CFAP54: variants seen among roughly 807,000 people sequenced by gnomAD.
CFAP54 encodes cilia and flagella associated protein 54.
In CFAP54, 290 loss-of-function variants were observed where a neutral mutation model predicts 370.4. That is an observed-to-expected ratio of 0.78 (90% CI 0.71 to 0.86). CFAP54 has a LOEUF of 0.86. CFAP54 is among the 40% of genes least tolerant of loss of function. The pLI, the probability that CFAP54 is intolerant of heterozygous loss-of-function variation, is 0.00. For missense variants in CFAP54, 3,399 were observed against 3,528.7 expected (o/e 0.96, Z 0.93); for synonymous variants, 1,206 against 1,236.5 (o/e 0.98, Z 0.52).
chr12:96,535,264 G>A (rs981405464), intron 11 of CFAP54, among the ~76,000 whole-genome samples: 2 of 151,990 alleles, frequency 1.3e-5, no homozygotes, highest in Non-Finnish European at 2.9e-5. Flanking sequence ...TAGCCAGGCT[G>A]GTCTCAAACT....
intron 26 of CFAP54, among the ~76,000 whole-genome samples, chr12:96,616,591 C>T (rs992249769): frequency 1.3e-5 from 2 of 152,010 alleles, no homozygotes; most frequent in African/African-American, 4.8e-5. Flanking sequence ...GTAAGGAGAG[C>T]TCAAAGGCAA....
At chr12:96,710,892 A>G (rs1406336456) in intron 48 of CFAP54, among the ~76,000 whole-genome samples, 1 of 152,078 alleles carries the variant, frequency 6.6e-6, no homozygotes, top group Non-Finnish European at 1.5e-5. Flanking sequence ...AGACATACAG[A>G]AAATGTAAAG....
intron 1 of CFAP54, among the ~76,000 whole-genome samples, chr12:96,498,710 C>T (rs938249343): frequency 6.6e-6 from 1 of 151,958 alleles, no homozygotes; most frequent in African/African-American, 2.4e-5. Flanking sequence ...TCTAGGTGAC[C>T]TTGGGTTTGG....
chr12:96,832,053 G>A (rs1959172638), intron 66 of CFAP54, among the ~76,000 whole-genome samples: 1 of 152,078 alleles, frequency 6.6e-6, no homozygotes, highest in Non-Finnish European at 1.5e-5. Flanking sequence ...GGAGGTAATT[G>A]AATCATAGGG....
At chr12:96,766,524 C>T (rs570307976) in intron 60 of CFAP54, among the ~76,000 whole-genome samples, 1 of 152,260 alleles carries the variant, frequency 6.6e-6, no homozygotes, top group South Asian at 2.1e-4. Flanking sequence ...GCCAGGAAAG[C>T]ATCTCTCTTA....
At chr12:96,649,233 CT>C (rs1306332898) in intron 34 of CFAP54, among the ~76,000 whole-genome samples, 3 of 152,128 alleles carry the variant, frequency 2.0e-5, no homozygotes, top group African/African-American at 7.2e-5. Context: ...GCATATCATA[CT>C]GTGTATAGTG....
intron 63 of CFAP54, among the ~76,000 whole-genome samples, chr12:96,799,598 A>T (rs1471425342): frequency 6.6e-6 from 1 of 152,200 alleles, no homozygotes; most frequent in Non-Finnish European, 1.5e-5. Context: ...TTGGTCAATT[A>T]TAATTCTCTT....
At position 96,741,017 on chromosome 12, in the gene CFAP54, T is replaced by C. The variant is rs532968964; in HGVS notation, c.7071+956T>C. Among the ~76,000 whole-genome samples the C allele has an allele frequency of 9.8e-5, 15 of 152,332 alleles. 1 individual carries two copies. The South Asian group carries it at 2.1e-3, about 21-fold the overall frequency. On this transcript the variant is annotated intron_variant, in intron 51 of 67. Coordinates refer to ENST00000524981, the MANE Select transcript of CFAP54 (RefSeq NM_001306084.2). ...TTAATGTGACCTATCTTTTCATTAG[T>C]GACAGGAAATCTGAGCATTGAGTGA...
chr12:96,706,524 A>G (rs1592717893), intron 47 of CFAP54, among the ~76,000 whole-genome samples: 1 of 152,110 alleles, frequency 6.6e-6, no homozygotes, highest in Non-Finnish European at 1.5e-5. Flanking sequence ...GAATGATGGG[A>G]GCAGTAGGAG....
chr12:96,774,593 G>A (rs931629820), intron 60 of CFAP54, among the ~76,000 whole-genome samples: 3 of 151,882 alleles, frequency 2.0e-5, no homozygotes, highest in African/African-American at 7.3e-5. Context: ...ACTCTCTCTT[G>A]TGGCTTTTTT....
chr12:96,854,976 A>T (rs1040582656), intron 66 of CFAP54, among the ~76,000 whole-genome samples: 2 of 152,308 alleles, frequency 1.3e-5, no homozygotes, highest in African/African-American at 4.8e-5. Flanking sequence ...AAAGAGGTTT[A>T]ATTGAATCAC....
At chr12:96,741,988 C>T (rs997874353) in intron 51 of CFAP54, among the ~76,000 whole-genome samples, 1 of 152,110 alleles carries the variant, frequency 6.6e-6, no homozygotes, top group Admixed American at 6.6e-5. Context: ...ACCTCTTTGG[C>T]TGTTAGGAGG....
At chr12:96,650,737 A>G (rs989616901) in intron 35 of CFAP54, among the ~76,000 whole-genome samples, 16 of 152,196 alleles carry the variant, frequency 1.1e-4, no homozygotes, top group African/African-American at 3.1e-4. Context: ...AAAGGAAGAC[A>G]GGTTCTCATA....
chr12:96,550,282 A>G (rs1412493224), intron 15 of CFAP54, among the ~76,000 whole-genome samples: 1 of 152,168 alleles, frequency 6.6e-6, no homozygotes, highest in East Asian at 1.9e-4. Context: ...TTTTGATGTT[A>G]AAAAGATACC....
intron 3 of CFAP54, 53 bp downstream of exon 3, chr12:96,504,082 G>A: frequency 2.1e-6 from 3 of 1,413,350 alleles, no homozygotes; most frequent in Non-Finnish European, 2.8e-6. Flanking sequence ...GCTATACAAT[G>A]TATCTTTTAG....
chr12:96,617,525 A>G (rs1021196369), intron 26 of CFAP54, among the ~76,000 whole-genome samples: 2 of 152,204 alleles, frequency 1.3e-5, no homozygotes, highest in African/African-American at 4.8e-5. Context: ...AACCTCAAGA[A>G]CATTCCTGCT....
At chr12:96,725,134 A>G (rs1235954984) in intron 50 of CFAP54, among the ~76,000 whole-genome samples, 2 of 151,882 alleles carry the variant, frequency 1.3e-5, no homozygotes, top group African/African-American at 2.4e-5. Context: ...TGTTCTTTTG[A>G]CTTAGGATTG....
In CFAP54 at chr12:96,584,819, C is replaced by A. The variant is rs1592863988; in HGVS notation, c.3075+3714C>A. Among the ~76,000 whole-genome samples, 3 of 152,260 alleles carry A rather than the reference C, an allele frequency of 2.0e-5. No individual in the cohort carries two copies. The South Asian group carries it at 6.2e-4, about 32-fold the overall frequency. Reference sequence around the variant, plus strand: ...CTCTAGGTCTCATACTTCTGGTTCACCCTGTGCGTCTGCTTTCTTGTATTT... The same window carrying A: ...CTCTAGGTCTCATACTTCTGGTTCAACCTGTGCGTCTGCTTTCTTGTATTT... On this transcript the variant is annotated intron_variant, in intron 22 of 67. Transcript: ENST00000524981.
At chr12:96,639,991 TGGAA>T in intron 32 of CFAP54, among the ~76,000 whole-genome samples, 1 of 152,278 alleles carries the variant, frequency 6.6e-6, no homozygotes, top group African/African-American at 2.4e-5. Context: ...GGGCAAAAAC[TGGAA>T]GCATTCCCTT....
Sources: allele counts gnomAD v4.1 joint callset (sites outside exome capture counted in the v4.1 genomes callset), GRCh38; gene constraint gnomAD v4.1.1; transcripts MANE v1.5; gene names NCBI Gene and HGNC (gene_info 2026-07-23, HGNC 2026-07-21).